TBL3: variants seen among roughly 807,000 people sequenced by gnomAD.
TBL3 encodes transducin beta-like protein 3.
TBL3 carries 71 observed loss-of-function variants against 102.7 expected under a neutral mutation model. The observed-to-expected ratio is 0.69, with a 90% CI of 0.57 to 0.84. TBL3 has a LOEUF of 0.84. Ranked by LOEUF, TBL3 falls within the 40% of genes least tolerant of loss-of-function variation. TBL3 has a pLI of 0.00. For synonymous variants in TBL3, 578 were observed against 477.7 expected, an observed-to-expected ratio of 1.21 and a Z score of -2.74; for missense variants, 1,188 against 1,098.5, an observed-to-expected ratio of 1.08 and a Z score of -1.15.
At chr16:1,973,271 T>A (rs1226545333) in intron 1 of TBL3, among the ~76,000 whole-genome samples, 1 of 151,956 alleles carries the variant, frequency 6.6e-6, no homozygotes, top group South Asian at 2.1e-4. Context: ...CTACTAAAAA[T>A]ACAAAAAATT....
In TBL3 at chr16:1,980,552, C is replaced by T. The variant is rs781335436; in HGVS notation, c.*1867C>T. The stretch of plus-strand genomic sequence containing the variant: ...GTCCCAACAGTGGTGCATCTTAAGG[C>T]ACCACAAAAACGTACTGTGATACGC... On this transcript the variant is annotated 3_prime_UTR_variant, in exon 22 of 22. Transcript: ENST00000568546. The T allele has an allele frequency of 5.6e-6, 9 of 1,599,922 alleles. No individual in the cohort carries two copies. The East Asian group carries it at 1.1e-4, about 20-fold the overall frequency.
In TBL3 at chr16:1,981,219, G is replaced by C; in HGVS notation, c.*2534G>C. The C allele has an allele frequency of 6.2e-7, 1 of 1,612,356 alleles. No individual in the cohort carries two copies. The highest frequency in any genetic ancestry group is 8.5e-7 in the Non-Finnish European group (1 of 1,179,708). On this transcript the variant is annotated 3_prime_UTR_variant, in exon 22 of 22. Transcript: ENST00000568546. The stretch of plus-strand genomic sequence containing the variant: ...GGCTGCAGATTCCTGAAATGGGCGA[G>C]GACCCTTCTGCCTCCCCGTGCTTGA...
Position 1,978,046 on chromosome 16 carries a change from C to G in TBL3, c.2047C>G (p.Leu683Val). ...AISLDRPHTVLTVIQAIRRDP... is the reference protein window; with the variant it reads ...AISLDRPHTVVTVIQAIRRDP... ...CTCCCTGGATCGGCCCCACACCGTG[C>G]TGACTGTCATCCAGGGTCAGTGCCC... The change falls in exon 19 of 22, where the codon CTG becomes GTG. Residue 683 changes from leucine (L) to valine (V), a missense_variant. Physicochemically the swap from Leu to Val is conservative, Grantham distance 32 (BLOSUM62 1). Coordinates refer to ENST00000568546, the MANE Select transcript of TBL3 (RefSeq NM_006453.3). 1 of 1,605,260 alleles carries G rather than the reference C, an allele frequency of 6.2e-7. No individual in the cohort carries two copies. The highest frequency in any genetic ancestry group is 8.5e-7 in the Non-Finnish European group (1 of 1,175,470).
At chr16:1,976,725 C>G (rs2083404701) in intron 13 of TBL3, 89 bp from the exon 14 acceptor site, 1 of 1,537,570 alleles carries the variant, frequency 6.5e-7, no homozygotes, top group African/African-American at 1.4e-5. Context: ...TGGTCTGGAC[C>G]GTGGGCTCCC....
chr16:1,976,158 G>A (rs750775763), intron 12 of TBL3, 44 bp downstream of exon 12: 3 of 1,613,730 alleles, frequency 1.9e-6, no homozygotes, highest in Admixed American at 1.7e-5. Context: ...CAGGCGGGGA[G>A]GCCACGCAGT....
rs1393187762 is a variant in TBL3 at position 1,974,182 on chromosome 16, C to T, written c.94-15C>T. 2 of 1,567,676 alleles carry T rather than the reference C, an allele frequency of 1.3e-6. No homozygotes were observed. The highest frequency in any genetic ancestry group is 1.7e-6 in the Non-Finnish European group (2 of 1,153,352). On this transcript the variant is annotated splice_polypyrimidine_tract_variant and intron_variant, in intron 2 of 21. Coordinates refer to ENST00000568546, the MANE Select transcript of TBL3 (RefSeq NM_006453.3). ...GGTGCTGAATGTTGCCTGGCTGAGACCTCTCTGTCCCCAGCTGGACCAGAC... is the reference window on the plus strand; with the variant it reads ...GGTGCTGAATGTTGCCTGGCTGAGATCTCTCTGTCCCCAGCTGGACCAGAC...
chr16:1,977,085 A>G lies in TBL3; in HGVS notation c.1472A>G (p.Asp491Gly). The G allele has an allele frequency of 6.2e-7, 1 of 1,613,268 alleles. No individual in the cohort carries two copies. Among genetic ancestry groups the G allele is most frequent in the South Asian group, 1.1e-5 (1 of 91,080 alleles). Residue 491 changes from aspartate to glycine, a missense_variant, in exon 15 of 22, where the codon GAC (aspartate) becomes GGC (glycine). Physicochemically the swap from Asp to Gly is moderately conservative, Grantham distance 94. Transcript: ENST00000568546. The part of the protein sequence containing the change: ...DINSVAIAPN[D>G]KLLATGSQDR... ...AACAGCGTGGCTATTGCCCCCAACG[A>G]CAAGCTGCTGGCCACAGGCTCACAG...
rs374593009 is a variant in TBL3, at chr16:1,981,120, C to T, written c.*2435C>T. 19 of 1,613,434 alleles carry T rather than the reference C, an allele frequency of 1.2e-5. No individual in the cohort carries two copies. The highest frequency in any genetic ancestry group is 1.5e-5 in the Non-Finnish European group (18 of 1,179,936). ...GGACCCAGCCAGGTCTTACTTGGAGCCTCTTGATCTGCACCAGGGCTGCCC... is the reference window on the plus strand; with the variant it reads ...GGACCCAGCCAGGTCTTACTTGGAGTCTCTTGATCTGCACCAGGGCTGCCC... On this transcript the variant is annotated 3_prime_UTR_variant, in exon 22 of 22. Coordinates refer to ENST00000568546, the MANE Select transcript of TBL3 (RefSeq NM_006453.3).
chr16:1,973,793 G>A (rs1006925803), intron 1 of TBL3, among the ~76,000 whole-genome samples: 1 of 152,126 alleles, frequency 6.6e-6, no homozygotes, highest in Admixed American at 6.5e-5. Flanking sequence ...CTGGGCTGTT[G>A]GGCTGACTCC....
intron 11 of TBL3, 38 bp downstream of exon 11, chr16:1,975,987 C>A (rs2083398196): frequency 6.2e-7 from 1 of 1,613,986 alleles, no homozygotes; most frequent in African/African-American, 1.3e-5. Context: ...CTGGGAGCCG[C>A]CTCGGTCCCT....
chr16:1,980,636 C>T lies in TBL3; in HGVS notation c.*1951C>T, dbSNP rs2083486633. ...GGCAAGCCACCGCCTTCCCCGCTCCCGTACCCAGGCTGGCCTGACCGAGAA... is the reference window on the plus strand; with the variant it reads ...GGCAAGCCACCGCCTTCCCCGCTCCTGTACCCAGGCTGGCCTGACCGAGAA... On this transcript the variant is annotated 3_prime_UTR_variant, in exon 22 of 22. Transcript: ENST00000568546. The T allele has an allele frequency of 1.9e-6, 3 of 1,600,244 alleles. No individual in the cohort carries two copies. Among genetic ancestry groups the T allele is most frequent in the Admixed American group, 1.7e-5 (1 of 58,404 alleles).
At position 1,978,794 on chromosome 16, in the gene TBL3, C is replaced by A. The variant is rs2083430297; in HGVS notation, c.*109C>A. ...CTGCAGTCCAGCCCCCCACCCTGGC[C>A]AACACCCTACCTAGCCAGCCAGAAG... On this transcript the variant is annotated 3_prime_UTR_variant, in exon 22 of 22. Coordinates refer to ENST00000568546, the MANE Select transcript of TBL3 (RefSeq NM_006453.3). 1.4e-6 allele frequency: 2 copies of A among 1,405,802 alleles called. No homozygotes were observed. Among genetic ancestry groups the A allele is most frequent in the South Asian group, 1.3e-5 (1 of 74,610 alleles). The allele number at this position is 1,405,802 out of a possible 1,614,324, so 87.1% of individuals were successfully genotyped here. A position where few individuals can be genotyped will look rare whatever the true frequency, so the allele number is the denominator to read the frequency against.
chr16:1,978,988 G>T lies in TBL3; in HGVS notation c.*303G>T. 2.1e-6 allele frequency: 3 copies of T among 1,441,160 alleles called. No homozygotes were observed. The highest frequency in any genetic ancestry group is 2.8e-6 in the Non-Finnish European group (3 of 1,083,712). The allele number at this position is 1,441,160 out of a possible 1,614,324, so 89.3% of individuals were successfully genotyped here. A position where few individuals can be genotyped will look rare whatever the true frequency, so the allele number is the denominator to read the frequency against. On this transcript the variant is annotated 3_prime_UTR_variant, in exon 22 of 22. Transcript: ENST00000568546. The stretch of plus-strand genomic sequence containing the variant: ...CCATCCCTGCTGGCCAGGGAGATCC[G>T]CCCTCCCCGCTCCTCCCCAGCCCTG...
At chr16:1,976,691 A>G in intron 13 of TBL3, 123 bp from the exon 14 acceptor site, 3 of 1,223,658 alleles carry the variant, frequency 2.5e-6, no homozygotes, top group East Asian at 2.5e-5. Context: ...ACCCAGGCCA[A>G]CCCGCATCCT....
chr16:1,974,393 C>A lies in TBL3; in HGVS notation c.207C>A (p.Ile69=). The change falls in exon 4 of 22, where the codon ATC becomes ATA. Residue 69 remains isoleucine (I), a synonymous_variant. Transcript: ENST00000568546. The part of the protein sequence containing the change: ...RSLEQEDQED[I]TAFDLSPDNE... The stretch of plus-strand genomic sequence containing the variant: ...TCTCCTAGGAGGACCAGGAGGACAT[C>A]ACTGCCTTTGACCTCAGCCCTGACA... 1 of 1,610,910 alleles carries A rather than the reference C, an allele frequency of 6.2e-7. No individual in the cohort carries two copies. The highest frequency in any genetic ancestry group is 8.5e-7 in the Non-Finnish European group (1 of 1,178,354).
intron 13 of TBL3, 63 bp downstream of exon 13, chr16:1,976,377 G>A (rs35958398): frequency 0.083 from 118,504 of 1,435,698 alleles, 5,553 homozygotes; most frequent in Non-Finnish European, 0.091. Context: ...TGCCAGCAGG[G>A]CTGCCGCTCA....
rs564745855 is a variant in TBL3, at chr16:1,980,657, G to A, written c.*1972G>A. 3.1e-6 allele frequency: 5 copies of A among 1,605,490 alleles called. No individual in the cohort carries two copies. The African/African-American group carries it at 4.0e-5, about 13-fold the overall frequency. On this transcript the variant is annotated 3_prime_UTR_variant, in exon 22 of 22. Transcript: ENST00000568546. ...CTCCCGTACCCAGGCTGGCCTGACC[G>A]AGAAGCTTTGGGAGAACGCGGTCAG...
At chr16:1,972,362 C>A (rs911110278) in intron 1 of TBL3, among the ~76,000 whole-genome samples, 157 bp downstream of exon 1, 2 of 152,120 alleles carry the variant, frequency 1.3e-5, no homozygotes. Flanking sequence ...TGATACTAGG[C>A]GGGAGAGCCG....
In TBL3 at chr16:1,978,581, C is replaced by T. The variant is rs753581470; in HGVS notation, c.2323C>T (p.Leu775Phe). ...GCACTTTCAGCGGCTCAGCAGGACCCTCCAGGCCGCCGCTTTCTTGGACTT... is the reference window on the plus strand; with the variant it reads ...GCACTTTCAGCGGCTCAGCAGGACCTTCCAGGCCGCCGCTTTCTTGGACTT... ...ERHFQRLSRT[L>F]QAAAFLDFLW... The change falls in exon 22 of 22, where the codon CTC becomes TTC. Residue 775 changes from leucine (L) to phenylalanine (F), a missense_variant. Physicochemically the swap from Leu to Phe is conservative, Grantham distance 22 (BLOSUM62 0). Coordinates refer to ENST00000568546, the MANE Select transcript of TBL3 (RefSeq NM_006453.3). 6.2e-7 allele frequency: 1 copy of T among 1,612,650 alleles called. No homozygotes were observed. Among genetic ancestry groups the T allele is most frequent in the South Asian group, 1.1e-5 (1 of 91,082 alleles).
Sources: allele counts gnomAD v4.1 joint callset (sites outside exome capture counted in the v4.1 genomes callset), GRCh38; gene constraint gnomAD v4.1.1; transcripts MANE v1.5; gene names NCBI Gene and HGNC (gene_info 2026-07-23, HGNC 2026-07-21).